The following PTPN13 variants were observed in gnomAD, a reference collection of about 807,000 sequenced individuals.
PTPN13 encodes tyrosine-protein phosphatase non-receptor type 13.
PTPN13 carries 191 observed loss-of-function variants against 284.0 expected under a neutral mutation model. The observed-to-expected ratio is 0.67, with a 90% CI of 0.60 to 0.76. The LOEUF is 0.76. Among genes scored for constraint, PTPN13 ranks in the 30% least tolerant of loss-of-function variants. The pLI is 0.00. For missense variants in PTPN13, 2,797 were observed against 2,939.9 expected (o/e 0.95, Z 1.12); for synonymous variants, 986 against 1,022.3 (o/e 0.96, Z 0.68).
At chr4:86,613,363 C>T (rs934102586) in intron 1 of PTPN13, among the ~76,000 whole-genome samples, 6 of 152,058 alleles carry the variant, frequency 3.9e-5, no homozygotes, top group Non-Finnish European at 5.9e-5. Context: ...TGGCCTGGTG[C>T]GGTGGCTCAC....
intron 42 of PTPN13, among the ~76,000 whole-genome samples, chr4:86,801,429 GT>G (rs1042227532): frequency 6.6e-6 from 1 of 152,134 alleles, no homozygotes; most frequent in Admixed American, 6.5e-5. Context: ...AGTTCCTGAG[GT>G]TTTTTTGGGG....
At chr4:86,702,418 T>C (rs1731264230) in intron 7 of PTPN13, among the ~76,000 whole-genome samples, 1 of 152,220 alleles carries the variant, frequency 6.6e-6, no homozygotes, top group African/African-American at 2.4e-5. Context: ...TTAGTAACTA[T>C]GTGGTCTTTA....
At chr4:86,639,303 T>C (rs1723455773) in intron 2 of PTPN13, among the ~76,000 whole-genome samples, 1 of 152,052 alleles carries the variant, frequency 6.6e-6, no homozygotes, top group Non-Finnish European at 1.5e-5. Flanking sequence ...GAAATACCAT[T>C]TGACCCAGCC....
intron 23 of PTPN13, among the ~76,000 whole-genome samples, chr4:86,762,236 G>A (rs1738780987): frequency 1.3e-5 from 2 of 152,192 alleles, no homozygotes; most frequent in Admixed American, 6.5e-5. Context: ...ACCTCCCAAA[G>A]TGCCGGGATT....
At chr4:86,662,301 G>T (rs1168068465) in intron 2 of PTPN13, among the ~76,000 whole-genome samples, 1 of 152,066 alleles carries the variant, frequency 6.6e-6, no homozygotes, top group East Asian at 1.9e-4. Flanking sequence ...GGTCAAATAA[G>T]ATATGATTGT....
chr4:86,764,394 T>C (rs921471794), intron 24 of PTPN13, among the ~76,000 whole-genome samples, 199 bp from the exon 25 acceptor site: 1 of 152,180 alleles, frequency 6.6e-6, no homozygotes, highest in Non-Finnish European at 1.5e-5. Context: ...CTTTATGTTC[T>C]TTGACTATAC....
intron 1 of PTPN13, among the ~76,000 whole-genome samples, chr4:86,603,526 T>C (rs1764492159): frequency 1.3e-5 from 2 of 152,202 alleles, no homozygotes; most frequent in Non-Finnish European, 2.9e-5. Context: ...TTAAAAATTA[T>C]TTGGTATTTC....
At chr4:86,771,640 T>G in intron 31 of PTPN13, 105 bp downstream of exon 31, 1 of 1,225,234 alleles carries the variant, frequency 8.2e-7, no homozygotes, top group African/African-American at 1.5e-5. Flanking sequence ...ATCTGTGACC[T>G]TCACAGTGGT....
At chr4:86,623,882 A>C (rs1010166014) in intron 1 of PTPN13, among the ~76,000 whole-genome samples, 1 of 152,004 alleles carries the variant, frequency 6.6e-6, no homozygotes, top group Non-Finnish European at 1.5e-5. Flanking sequence ...ATTTTCCTCC[A>C]TCACATTTAT....
chr4:86,742,915 C>T (rs893252721), intron 16 of PTPN13, among the ~76,000 whole-genome samples: 2 of 152,174 alleles, frequency 1.3e-5, no homozygotes, highest in African/African-American at 2.4e-5. Context: ...ATATATAGAA[C>T]GAGCTGTGAT....
Position 86,758,932 on chromosome 4 carries a change from A to C in PTPN13, c.3422-10A>C, listed in dbSNP as rs752228036. Reference sequence around the variant, plus strand: ...TGTTGTTGAAAATACTGGATTGTCTATTTGTACAGGAGACCGTTTGATATC... The same window carrying C: ...TGTTGTTGAAAATACTGGATTGTCTCTTTGTACAGGAGACCGTTTGATATC... On this transcript the variant is annotated splice_polypyrimidine_tract_variant and intron_variant, in intron 22 of 47. Transcript: ENST00000411767. 9 of 1,609,732 alleles carry C rather than the reference A, an allele frequency of 5.6e-6. No homozygotes were observed. In the Admixed American group the frequency reaches 6.8e-5, roughly 12 times the overall value.
At chr4:86,638,153 A>G (rs1200862196) in intron 2 of PTPN13, among the ~76,000 whole-genome samples, 1 of 152,224 alleles carries the variant, frequency 6.6e-6, no homozygotes, top group Non-Finnish European at 1.5e-5. Flanking sequence ...GGAGAACTAC[A>G]AACCACTGCT....
At chr4:86,734,123 C>T (rs1427804028) in intron 12 of PTPN13, among the ~76,000 whole-genome samples, 180 bp from the exon 13 acceptor site, 1 of 152,076 alleles carries the variant, frequency 6.6e-6, no homozygotes, top group Non-Finnish European at 1.5e-5. Flanking sequence ...AAAGAGTGGG[C>T]CATATTGCCT....
chr4:86,753,132 A>G, intron 20 of PTPN13, 67 bp downstream of exon 20: 1 of 1,255,240 alleles, frequency 8.0e-7, no homozygotes, highest in Non-Finnish European at 1.1e-6. Flanking sequence ...ATAGTCTTGG[A>G]CCTAACAATG....
At chr4:86,780,277 G>T in intron 35 of PTPN13, 125 bp from the exon 36 acceptor site, 1 of 738,360 alleles carries the variant, frequency 1.4e-6, no homozygotes. Flanking sequence ...GCACATGCCT[G>T]TGGTCCCAGC....
chr4:86,762,603 C>T (rs1565510454), intron 23 of PTPN13, 124 bp from the exon 24 acceptor site: 1 of 744,548 alleles, frequency 1.3e-6, no homozygotes, highest in East Asian at 2.6e-5. Flanking sequence ...AAACACATGA[C>T]CTAATGGTGT....
intron 2 of PTPN13, among the ~76,000 whole-genome samples, chr4:86,647,773 C>T (rs1011229049): frequency 1.1e-4 from 17 of 151,810 alleles, no homozygotes; most frequent in African/African-American, 3.1e-4. Flanking sequence ...GAAATTAGGA[C>T]GTAAACACAT....
At chr4:86,750,109 G>A (rs766745341) in intron 17 of PTPN13, among the ~76,000 whole-genome samples, 9 of 152,248 alleles carry the variant, frequency 5.9e-5, no homozygotes, top group Admixed American at 4.6e-4. Flanking sequence ...AGCAGAGACA[G>A]TACTAGGTTT....
chr4:86,595,876 A>T (rs1341844010), intron 1 of PTPN13: 1 of 543,074 alleles, frequency 1.8e-6, no homozygotes, highest in Non-Finnish European at 2.3e-6. Context: ...ATGTATTATG[A>T]AACAAGCTTA....
Sources: allele counts gnomAD v4.1 joint callset (sites outside exome capture counted in the v4.1 genomes callset), GRCh38; gene constraint gnomAD v4.1.1; transcripts MANE v1.5; gene names NCBI Gene and HGNC (gene_info 2026-07-23, HGNC 2026-07-21).